Variants in GNA14 observed in about 807,000 individuals in gnomAD.
The protein encoded by GNA14 is guanine nucleotide-binding protein subunit alpha-14.
A neutral mutation model predicts 42.0 loss-of-function variants in GNA14; 50 were observed. That is an observed-to-expected ratio of 1.19 (90% CI 0.95 to 1.51). The LOEUF (loss-of-function observed/expected upper bound fraction) is 1.51, where lower values mean the gene tolerates loss of function less well. Among genes scored for constraint, GNA14 ranks in the 40% most tolerant of loss-of-function variants. GNA14 has a pLI of 0.00. For synonymous variants in GNA14, 173 were observed against 163.1 expected (o/e 1.06, Z -0.46); for missense variants, 473 against 446.2 (o/e 1.06, Z -0.54).
At chr9:77,644,459 AAAAAAG>A (rs1824322801) in intron 1 of GNA14, among the ~76,000 whole-genome samples, 1 of 149,988 alleles carries the variant, frequency 6.7e-6, no homozygotes, top group African/African-American at 2.5e-5. Flanking sequence ...AAAAAAAAAA[AAAAAAG>A]ACACAGGAAT....
At chr9:77,643,719 G>A (rs955481129) in intron 1 of GNA14, among the ~76,000 whole-genome samples, 4 of 152,138 alleles carry the variant, frequency 2.6e-5, no homozygotes, top group Non-Finnish European at 5.9e-5. Flanking sequence ...TTTTAAATCA[G>A]TTTATGGCTC....
intron 2 of GNA14, among the ~76,000 whole-genome samples, chr9:77,454,500 G>A (rs1433248459): frequency 6.6e-6 from 1 of 152,092 alleles, no homozygotes; most frequent in Non-Finnish European, 1.5e-5. Context: ...ACCTTGAGGG[G>A]AGTTATCTGA....
intron 6 of GNA14, among the ~76,000 whole-genome samples, chr9:77,425,029 G>T (rs12342040): frequency 0.16 from 24,539 of 152,042 alleles, 2,132 homozygotes; most frequent in Middle Eastern, 0.24. Flanking sequence ...CATGTGTCTG[G>T]GAAAAGGGAT....
chr9:77,562,684 C>T (rs1256401734), intron 1 of GNA14, among the ~76,000 whole-genome samples: 1 of 152,192 alleles, frequency 6.6e-6, no homozygotes, highest in African/African-American at 2.4e-5. Context: ...ATACTTGTTT[C>T]ATACTTGATT....
intron 2 of GNA14, among the ~76,000 whole-genome samples, chr9:77,515,381 G>A (rs1837235725): frequency 6.6e-6 from 1 of 152,156 alleles, no homozygotes; most frequent in South Asian, 2.1e-4. Flanking sequence ...TGAATACAGG[G>A]ACCAAAAGAA....
chr9:77,507,883 T>A (rs1043132323), intron 2 of GNA14, among the ~76,000 whole-genome samples: 4 of 152,156 alleles, frequency 2.6e-5, no homozygotes, highest in African/African-American at 9.7e-5. Flanking sequence ...CATGCCCAGC[T>A]AACTTTTTAT....
chr9:77,478,651 A>G (rs1039210764), intron 2 of GNA14, among the ~76,000 whole-genome samples: 9 of 152,168 alleles, frequency 5.9e-5, no homozygotes, highest in Non-Finnish European at 1.3e-4. Context: ...CCAACAGTAT[A>G]AAAGTGTTCC....
intron 2 of GNA14, among the ~76,000 whole-genome samples, chr9:77,454,156 C>T (rs1304132433): frequency 1.3e-5 from 2 of 152,206 alleles, no homozygotes; most frequent in Non-Finnish European, 1.5e-5. Flanking sequence ...CCCACACCCC[C>T]GGCTCCCCTC....
In GNA14 at chr9:77,568,938, G is replaced by A. The variant is rs554275735; in HGVS notation, c.125-39685C>T. ...ATTTGGAAAGAGACTGTCATGCCAC[G>A]TCTGAGATCAGCAGGTGTCTCTGCT... On this transcript the variant is annotated intron_variant, in intron 1 of 6. Coordinates refer to ENST00000341700, the MANE Select transcript of GNA14 (RefSeq NM_004297.4). Among the ~76,000 whole-genome samples the A allele has an allele frequency of 3.9e-5, 6 of 152,306 alleles. No homozygotes were observed. In the East Asian group the frequency reaches 7.7e-4, roughly 20 times the overall value.
chr9:77,434,983 G>A (rs991512973), intron 2 of GNA14, among the ~76,000 whole-genome samples: 4 of 151,004 alleles, frequency 2.6e-5, no homozygotes, highest in African/African-American at 4.9e-5. Context: ...ATAAGGAGGC[G>A]CCTTGTCTTT....
chr9:77,570,056 C>G (rs777000827), intron 1 of GNA14, among the ~76,000 whole-genome samples: 1 of 152,040 alleles, frequency 6.6e-6, no homozygotes, highest in Non-Finnish European at 1.5e-5. Context: ...TGAGCCACCA[C>G]GCAAAAATCA....
At chr9:77,529,379 G>A in intron 1 of GNA14, 126 bp from the exon 2 acceptor site, 1 of 771,494 alleles carries the variant, frequency 1.3e-6, no homozygotes. Flanking sequence ...GGATTTGGAA[G>A]GGACTGCCAA....
intron 1 of GNA14, among the ~76,000 whole-genome samples, chr9:77,639,508 C>G (rs531896401): frequency 3.9e-5 from 6 of 152,340 alleles, no homozygotes; most frequent in African/African-American, 1.4e-4. Context: ...CTGCCTCCCC[C>G]CAACAACCTG....
At chr9:77,610,006 A>T in intron 1 of GNA14, among the ~76,000 whole-genome samples, 1 of 152,182 alleles carries the variant, frequency 6.6e-6, no homozygotes. Context: ...TTAAAAGTCA[A>T]CACCACACCC....
intron 2 of GNA14, among the ~76,000 whole-genome samples, chr9:77,457,272 C>T (rs1002968083): frequency 2.6e-5 from 4 of 152,152 alleles, no homozygotes; most frequent in African/African-American, 9.7e-5. Context: ...TAGTGGAAGG[C>T]GCATCTTTGC....
At chr9:77,623,197 A>G (rs1823955935) in intron 1 of GNA14, among the ~76,000 whole-genome samples, 2 of 138,318 alleles carry the variant, frequency 1.4e-5, no homozygotes, top group South Asian at 2.5e-4. Flanking sequence ...AGCATGGGCA[A>G]AAGAGTGAGA....
chr9:77,617,920 G>A (rs550690753), intron 1 of GNA14, among the ~76,000 whole-genome samples: 1 of 151,936 alleles, frequency 6.6e-6, no homozygotes, highest in East Asian at 1.9e-4. Context: ...GCAAAATTAG[G>A]CCCACCAGTT....
At chr9:77,431,024 T>TGTG (rs1554686110) in intron 4 of GNA14, among the ~76,000 whole-genome samples, 6,021 of 101,460 alleles carry the variant, frequency 0.059, 259 homozygotes, top group African/African-American at 0.16. Flanking sequence ...AAGTATACAT[T>TGTG]TGTGTGTGTG....
chr9:77,590,454 T>C (rs1188979461), intron 1 of GNA14, among the ~76,000 whole-genome samples: 1 of 152,210 alleles, frequency 6.6e-6, no homozygotes, highest in African/African-American at 2.4e-5. Flanking sequence ...CACAGAATTA[T>C]TCTTCCTCTT....
Sources: gnomAD v4.1 joint callset for allele counts (sites outside exome capture counted in the v4.1 genomes callset) on GRCh38, gnomAD v4.1.1 for gene constraint, MANE v1.5 for transcripts, NCBI Gene and HGNC (gene_info 2026-07-23, HGNC 2026-07-21) for gene names.